Variants in MEP1A observed in about 807,000 individuals in gnomAD.
MEP1A encodes N-benzoyl-L-tyrosyl-P-amino-benzoic acid hydrolase subunit alpha.
MEP1A carries 68 observed loss-of-function variants against 84.5 expected under a neutral mutation model. That is an observed-to-expected ratio of 0.80 (90% CI 0.66 to 0.98). The LOEUF (loss-of-function observed/expected upper bound fraction) is 0.98, where lower values mean the gene tolerates loss of function less well. Among genes scored for constraint, MEP1A ranks in the 50% least tolerant of loss-of-function variants. MEP1A has a pLI of 0.00. For missense variants in MEP1A, 887 were observed against 919.9 expected (o/e 0.96, Z 0.46); for synonymous variants, 337 against 336.8 (o/e 1.00, Z -0.01).
intron 5 of MEP1A, among the ~76,000 whole-genome samples, chr6:46,804,674 A>C (rs991433242): frequency 1.3e-5 from 2 of 151,734 alleles, no homozygotes; most frequent in Non-Finnish European, 3.0e-5. Context: ...CAGATGTACA[A>C]TTCAATGAGT....
chr6:46,802,447 A>G (rs1767216521), intron 5 of MEP1A, among the ~76,000 whole-genome samples: 1 of 151,868 alleles, frequency 6.6e-6, no homozygotes, highest in Admixed American at 6.6e-5. Flanking sequence ...TGCTAAATTT[A>G]CTCATTAATT....
At chr6:46,823,268 A>T (rs557349524) in intron 7 of MEP1A, among the ~76,000 whole-genome samples, 151 of 152,340 alleles carry the variant, frequency 9.9e-4, no homozygotes, top group African/African-American at 3.3e-3. Flanking sequence ...GCAGTCCTGC[A>T]TATAGCTCTG....
intron 4 of MEP1A, 108 bp downstream of exon 4, chr6:46,798,754 GAGAA>G: frequency 1.9e-5 from 17 of 915,212 alleles, no homozygotes; most frequent in Non-Finnish European, 2.7e-5. Context: ...AAGGAGATGA[GAGAA>G]ATCTCATCTA....
chr6:46,808,942 CT>C (rs892257019), intron 5 of MEP1A, among the ~76,000 whole-genome samples: 2 of 151,988 alleles, frequency 1.3e-5, no homozygotes, highest in Non-Finnish European at 2.9e-5. Context: ...GAGAGAATGT[CT>C]TTTTAGATTG....
At chr6:46,823,883 C>G (rs939374110) in intron 7 of MEP1A, among the ~76,000 whole-genome samples, 4 of 152,208 alleles carry the variant, frequency 2.6e-5, no homozygotes, top group Non-Finnish European at 5.9e-5. Context: ...CTCACTTTCA[C>G]TAATCTCAGA....
chr6:46,794,957 T>C (rs1767017752), intron 3 of MEP1A, among the ~76,000 whole-genome samples: 1 of 152,238 alleles, frequency 6.6e-6, no homozygotes, highest in African/African-American at 2.4e-5. Context: ...CTCATTACCA[T>C]GTAAATCTTC....
the MEP1A span, among the ~76,000 whole-genome samples, chr6:46,845,754 A>T: frequency 3.3e-5 from 5 of 152,334 alleles, no homozygotes; most frequent in South Asian, 1.0e-3. Context: ...AACTCTGAGA[A>T]CACTGTTTGG....
chr6:46,835,609 C>T, intron 13 of MEP1A, 60 bp downstream of exon 13: 1 of 1,548,832 alleles, frequency 6.5e-7, no homozygotes, highest in South Asian at 1.2e-5. Context: ...TGCATGCTTG[C>T]TCCTGGTAAA....
intron 8 of MEP1A, 75 bp from the exon 9 acceptor site, chr6:46,826,279 T>C (rs1449631601): frequency 9.6e-6 from 13 of 1,349,226 alleles, no homozygotes; most frequent in Admixed American, 6.6e-5. Flanking sequence ...AATGAGGTTT[T>C]AGTGGCTTAA....
rs371098785 is a variant in MEP1A at position 46,829,120 on chromosome 6, A to G, written c.929-236A>G. On this transcript the variant is annotated intron_variant, in intron 9 of 13. Transcript: ENST00000230588. ...TTAAGTCAAAGGTATATATTTCACA[A>G]TCTTGGAACAAAGGCAATCAAACAC... 3.3e-5 allele frequency among the ~76,000 whole-genome samples: 5 copies of G among 152,226 alleles called. No individual in the cohort carries two copies. In the East Asian group the frequency reaches 5.8e-4, roughly 18 times the overall value.
intron 3 of MEP1A, among the ~76,000 whole-genome samples, chr6:46,795,371 G>A (rs534825232): frequency 6.6e-6 from 1 of 152,150 alleles, no homozygotes; most frequent in African/African-American, 2.4e-5. Flanking sequence ...TGCCATCTCG[G>A]CTCACTGCAA....
chr6:46,824,835 T>TAAATGATATATTTAATTAGATGTATTTAA (rs1216149304), intron 7 of MEP1A, among the ~76,000 whole-genome samples: 1 of 85,758 alleles, frequency 1.2e-5, no homozygotes, highest in Admixed American at 1.3e-4. Context: ...TATTTAAATA[T>TAAATGATATATTTAATTAGATGTATTTAA]ATATAAATTA....
At chr6:46,798,362 A>C (rs1015172233) in intron 3 of MEP1A, among the ~76,000 whole-genome samples, 4 of 152,140 alleles carry the variant, frequency 2.6e-5, no homozygotes, top group Non-Finnish European at 5.9e-5. Flanking sequence ...CTTATGTCTT[A>C]CTTCTAAGAT....
intron 6 of MEP1A, among the ~76,000 whole-genome samples, chr6:46,814,143 G>A (rs138156015): frequency 2.6e-4 from 39 of 152,190 alleles, no homozygotes; most frequent in Non-Finnish European, 4.7e-4. Context: ...CCTCAAATAC[G>A]TTTTCCAAAT....
At chr6:46,844,417 C>T (rs1407072748), downstream of MEP1A, among the ~76,000 whole-genome samples, 1 of 152,076 alleles carries the variant, frequency 6.6e-6, no homozygotes, top group Non-Finnish European at 1.5e-5. Flanking sequence ...TCTTTGCCTT[C>T]CACAGTTTTA....
chr6:46,843,922 T>C (rs1768375205), downstream of MEP1A, among the ~76,000 whole-genome samples: 1 of 152,218 alleles, frequency 6.6e-6, no homozygotes. Context: ...TATTCTTGTT[T>C]GACTACAGAA....
chr6:46,830,993 G>A (rs560285706), intron 10 of MEP1A, among the ~76,000 whole-genome samples: 21 of 152,246 alleles, frequency 1.4e-4, no homozygotes, highest in African/African-American at 3.9e-4. Context: ...AGCTAAAAGC[G>A]TTACTTCTAA....
intron 5 of MEP1A, among the ~76,000 whole-genome samples, chr6:46,799,627 C>T (rs1405916735): frequency 6.6e-6 from 1 of 152,052 alleles, no homozygotes; most frequent in Admixed American, 6.6e-5. Context: ...GTTCACAATC[C>T]TTTTTTCTTG....
chr6:46,813,410 A>T (rs565885443), intron 6 of MEP1A, among the ~76,000 whole-genome samples: 3 of 152,262 alleles, frequency 2.0e-5, no homozygotes, highest in African/African-American at 4.8e-5. Context: ...AAAGTTCCAC[A>T]GCATTAAATG....
Sources: allele counts gnomAD v4.1 joint callset (sites outside exome capture counted in the v4.1 genomes callset), GRCh38; gene constraint gnomAD v4.1.1; transcripts MANE v1.5; gene names NCBI Gene and HGNC (gene_info 2026-07-23, HGNC 2026-07-21).